The following ARHGEF16 variants were observed in gnomAD, a reference collection of about 807,000 sequenced individuals.
The protein encoded by ARHGEF16 is Rho guanine nucleotide exchange factor 16, also known as Rho guanine exchange factor (GEF) 16.
ARHGEF16 carries 59 observed loss-of-function variants against 74.1 expected under a neutral mutation model. The observed-to-expected ratio is 0.80, with a 90% CI of 0.65 to 0.99. ARHGEF16 has a LOEUF of 0.99. Among genes scored for constraint, ARHGEF16 ranks in the 50% least tolerant of loss-of-function variants. The pLI is 0.00. For synonymous variants in ARHGEF16, 415 were observed against 412.6 expected, an observed-to-expected ratio of 1.01 and a Z score of -0.07; for missense variants, 948 against 986.6, an observed-to-expected ratio of 0.96 and a Z score of 0.52.
chr1:3,457,842 G>A (rs1639301772), intron 1 of ARHGEF16, among the ~76,000 whole-genome samples: 1 of 152,214 alleles, frequency 6.6e-6, no homozygotes, highest in Non-Finnish European at 1.5e-5. Flanking sequence ...ATATGTGTTG[G>A]GGATACCAGG....
At chr1:3,478,317 T>C (rs1157876254) in intron 11 of ARHGEF16, 107 bp from the exon 12 acceptor site, 5 of 1,259,010 alleles carry the variant, frequency 4.0e-6, no homozygotes, top group Non-Finnish European at 5.6e-6. Flanking sequence ...CGTCCGTGGC[T>C]GCCTCCCCAC....
At chr1:3,469,647 C>T (rs1178963133) in intron 6 of ARHGEF16, 54 bp downstream of exon 6, 5 of 1,602,270 alleles carry the variant, frequency 3.1e-6, no homozygotes, top group Non-Finnish European at 4.3e-6. Flanking sequence ...AAGGTGCCTC[C>T]CCCCGTGGGC....
chr1:3,462,451 C>T (rs1323298031), intron 1 of ARHGEF16, among the ~76,000 whole-genome samples: 1 of 152,220 alleles, frequency 6.6e-6, no homozygotes, highest in Non-Finnish European at 1.5e-5. Flanking sequence ...GCAAATGCAC[C>T]TGCCCTCCCC....
chr1:3,471,588 C>T, intron 6 of ARHGEF16: 7 of 1,090,538 alleles, frequency 6.4e-6, no homozygotes, highest in Non-Finnish European at 8.0e-6. Context: ...CCCAGCTCTG[C>T]CCCCAGCCAG....
intron 4 of ARHGEF16, among the ~76,000 whole-genome samples, chr1:3,468,118 T>TG (rs1220505450): frequency 6.6e-6 from 1 of 152,168 alleles, no homozygotes; most frequent in Non-Finnish European, 1.5e-5. Flanking sequence ...ACTCTCCTGC[T>TG]GGGAGCTGGG....
chr1:3,473,468 C>T lies in ARHGEF16; in HGVS notation c.1251C>T (p.Leu417=), dbSNP rs760276825. ...RRPACGGLPM[L]SFLILPMQRV... ...CGGCGTGCGGGGGCCTGCCCATGCT[C>T]TCCTTCCTGATCCTCCCCATGCAGC... is the stretch of plus-strand genomic sequence containing the variant. The change falls in exon 8 of 15, where the codon CTC becomes CTT. Residue 417 remains leucine (L), a synonymous_variant. Coordinates refer to ENST00000378378, the MANE Select transcript of ARHGEF16 (RefSeq NM_014448.4). 26 of 1,612,400 alleles carry T rather than the reference C, an allele frequency of 1.6e-5. No individual in the cohort carries two copies. The East Asian group carries it at 5.6e-4, about 35-fold the overall frequency.
In ARHGEF16 at chr1:3,481,000, C is replaced by T. The variant is rs1051517; in HGVS notation, c.*413C>T. 0.75 allele frequency: 134,961 copies of T among 180,130 alleles called. 53,785 individuals carry two copies. Among genetic ancestry groups the T allele is most frequent in the South Asian group, 0.87 (4,901 of 5,618 alleles). 11.2% of individuals were successfully genotyped at this position (180,130 alleles called of 1,614,324 possible). A position where few individuals can be genotyped will look rare whatever the true frequency, so the allele number is the denominator to read the frequency against. ...ACCCCTGAGTGGGACAAGAAGGGCC[C>T]TGAGTGCCCAGGAGTGCCCCACGTT... On this transcript the variant is annotated 3_prime_UTR_variant, in exon 15 of 15. Coordinates refer to ENST00000378378, the MANE Select transcript of ARHGEF16 (RefSeq NM_014448.4).
At chr1:3,466,093 G>A in intron 2 of ARHGEF16, 55 bp from the exon 3 acceptor site, 1 of 1,542,250 alleles carries the variant, frequency 6.5e-7, no homozygotes, top group Non-Finnish European at 8.8e-7. Flanking sequence ...GAATCGCCGT[G>A]GGCAACACCT....
At chr1:3,471,349 C>T (rs1025961599) in intron 6 of ARHGEF16, among the ~76,000 whole-genome samples, 2 of 152,036 alleles carry the variant, frequency 1.3e-5, no homozygotes, top group Non-Finnish European at 2.9e-5. Context: ...TGGTTGCTGG[C>T]GCATTCTTAT....
intron 1 of ARHGEF16, among the ~76,000 whole-genome samples, chr1:3,459,610 G>C (rs1557685560): frequency 6.6e-6 from 1 of 152,170 alleles, no homozygotes; most frequent in Non-Finnish European, 1.5e-5. Flanking sequence ...GCCCTCTGGA[G>C]AGGGAGGACG....
chr1:3,460,244 G>T (rs768198838), intron 1 of ARHGEF16, among the ~76,000 whole-genome samples: 1 of 152,194 alleles, frequency 6.6e-6, no homozygotes, highest in Non-Finnish European at 1.5e-5. Flanking sequence ...ACAGGTTCCC[G>T]TTTGGGCGCC....
chr1:3,472,930 C>T, intron 6 of ARHGEF16, 148 bp from the exon 7 acceptor site: 1 of 454,288 alleles, frequency 2.2e-6, no homozygotes, highest in Non-Finnish European at 3.3e-6. Context: ...GCCCCAAGTG[C>T]TTGCTGTGTG....
intron 1 of ARHGEF16, among the ~76,000 whole-genome samples, chr1:3,458,350 C>T (rs922651225): frequency 3.3e-5 from 5 of 152,254 alleles, no homozygotes; most frequent in Non-Finnish European, 7.3e-5. Flanking sequence ...CACGTGGCTG[C>T]TGCAGGAAAT....
Position 3,474,744 on chromosome 1 carries a change from T to G in ARHGEF16, c.1342T>G (p.Tyr448Asp). The G allele has an allele frequency of 6.2e-7, 1 of 1,612,850 alleles. No individual in the cohort carries two copies. Among genetic ancestry groups the G allele is most frequent in the Non-Finnish European group, 8.5e-7 (1 of 1,179,970 alleles). ...CAAGACCCAGGGCCACTCCGAAAGGTACAAGGCTGCCAGCCGTGCACTGAA... is the reference window on the plus strand; with the variant it reads ...CAAGACCCAGGGCCACTCCGAAAGGGACAAGGCTGCCAGCCGTGCACTGAA... Reference protein sequence around the residue: ...CLKTQGHSERYKAASRALKAI... With the variant: ...CLKTQGHSERDKAASRALKAI... Residue 448 changes from tyrosine to aspartate, a missense_variant, in exon 9 of 15, where the codon TAC becomes GAC. By Grantham distance (160) the Tyr-to-Asp change is radical (BLOSUM62 -3). Transcript: ENST00000378378.
chr1:3,461,125 C>T lies in ARHGEF16; in HGVS notation c.-19-1941C>T, dbSNP rs566928743. On this transcript the variant is annotated intron_variant, in intron 1 of 14. Coordinates refer to ENST00000378378, the MANE Select transcript of ARHGEF16 (RefSeq NM_014448.4). ...ACTCCGGTCATTTTCATGTGTGTGA[C>T]GTTCTGGGTGTATAGGAGGCATACT... is the stretch of plus-strand genomic sequence containing the variant. 1.1e-4 allele frequency among the ~76,000 whole-genome samples: 17 copies of T among 152,302 alleles called. No homozygotes were observed. The East Asian group carries it at 1.7e-3, about 16-fold the overall frequency.
Position 3,478,079 on chromosome 1 carries a change from G to A in ARHGEF16, c.1625+53G>A, listed in dbSNP as rs377316556. The A allele has an allele frequency of 5.5e-5, 88 of 1,608,828 alleles. 1 individual carries two copies. The highest frequency in any genetic ancestry group is 4.0e-4 in the East Asian group (18 of 44,840). ...AGCCCCACTCCATGGACACTGGACC[G>A]CTGGCCCTGGGGCAGGAGGGTACAG... On this transcript the variant is annotated intron_variant, in intron 11 of 14. Coordinates refer to ENST00000378378, the MANE Select transcript of ARHGEF16 (RefSeq NM_014448.4).
At chr1:3,468,263 C>T (rs770012961) in intron 4 of ARHGEF16, among the ~76,000 whole-genome samples, 3 of 152,306 alleles carry the variant, frequency 2.0e-5, no homozygotes, top group East Asian at 1.9e-4. Flanking sequence ...GCGCTGTTGG[C>T]GGCCTTTCTG....
intron 3 of ARHGEF16, among the ~76,000 whole-genome samples, chr1:3,466,705 G>T (rs138414138): frequency 1.3e-5 from 2 of 152,210 alleles, no homozygotes; most frequent in South Asian, 2.1e-4. Context: ...ATGCCCGGGG[G>T]TGTAAAGAGA....
chr1:3,463,293 C>A lies in ARHGEF16; in HGVS notation c.209C>A (p.Pro70His). Reference protein sequence around the residue: ...PRPPGHEEPWPIVLSTESPAA... With the variant: ...PRPPGHEEPWHIVLSTESPAA... ...CCCCCGGGGCACGAGGAGCCATGGC[C>A]CATCGTCCTGAGCACAGAGAGCCCG... Residue 70 changes from proline to histidine, a missense_variant, in exon 2 of 15, where the codon CCC becomes CAC. By Grantham distance (77) the Pro-to-His change is moderately conservative. Transcript: ENST00000378378. 6.5e-7 allele frequency: 1 copy of A among 1,550,112 alleles called. No homozygotes were observed. The highest frequency in any genetic ancestry group is 8.7e-7 in the Non-Finnish European group (1 of 1,146,842).
Sources: allele counts gnomAD v4.1 joint callset (sites outside exome capture counted in the v4.1 genomes callset), GRCh38; gene constraint gnomAD v4.1.1; transcripts MANE v1.5; gene names NCBI Gene and HGNC (gene_info 2026-07-23, HGNC 2026-07-21).